DTNA: variants seen among roughly 807,000 people sequenced by gnomAD.
The protein encoded by DTNA is dystrobrevin alpha.
DTNA carries 43 observed loss-of-function variants against 100.7 expected under a neutral mutation model. The ratio of observed to expected loss-of-function variants is 0.43; its 90% CI spans 0.33 to 0.55. DTNA has a LOEUF of 0.55. DTNA is among the 20% of genes least tolerant of loss of function. The pLI, the probability that DTNA is intolerant of heterozygous loss-of-function variation, is 0.04. For synonymous variants in DTNA, 349 were observed against 347.9 expected (o/e 1.00, Z -0.04); for missense variants, 798 against 953.9 (o/e 0.84, Z 2.15).
intron 11 of DTNA, among the ~76,000 whole-genome samples, chr18:34,831,054 A>G (rs903531756): frequency 6.6e-6 from 1 of 152,148 alleles, no homozygotes; most frequent in East Asian, 1.9e-4. Flanking sequence ...GCCTCTTAGG[A>G]TCTGCTATCT....
chr18:34,571,772 A>C (rs2047614325), intron 1 of DTNA, among the ~76,000 whole-genome samples: 1 of 152,176 alleles, frequency 6.6e-6, no homozygotes, highest in South Asian at 2.1e-4. Flanking sequence ...CTGCCATTGT[A>C]AGCTTTCTAG....
intron 15 of DTNA, among the ~76,000 whole-genome samples, chr18:34,852,396 C>T (rs1379319382): frequency 1.3e-5 from 2 of 152,110 alleles, no homozygotes; most frequent in African/African-American, 4.8e-5. Context: ...AAGATCTCCA[C>T]CTGCAGCCCA....
At chr18:34,520,140 A>T (rs948437178) in intron 1 of DTNA, among the ~76,000 whole-genome samples, 23 of 152,276 alleles carry the variant, frequency 1.5e-4, no homozygotes, top group African/African-American at 5.5e-4. Flanking sequence ...TTGTGGGCCC[A>T]CTTGATATAA....
At chr18:34,670,434 T>A (rs1214496051) in intron 1 of DTNA, among the ~76,000 whole-genome samples, 1 of 152,226 alleles carries the variant, frequency 6.6e-6, no homozygotes, top group Non-Finnish European at 1.5e-5. Context: ...TCAAAGTCAT[T>A]CTCCGTCCAG....
chr18:34,594,612 G>T (rs2050213126), intron 1 of DTNA, among the ~76,000 whole-genome samples: 1 of 152,144 alleles, frequency 6.6e-6, no homozygotes, highest in Non-Finnish European at 1.5e-5. Context: ...ACAATGAAGG[G>T]CTTCTTATGG....
chr18:34,670,682 G>T (rs916883793), intron 1 of DTNA, among the ~76,000 whole-genome samples: 2 of 152,196 alleles, frequency 1.3e-5, no homozygotes, highest in African/African-American at 2.4e-5. Flanking sequence ...TTTGCTGGAG[G>T]TCCACTCCAG....
At chr18:34,635,982 A>G (rs1051726708) in intron 1 of DTNA, among the ~76,000 whole-genome samples, 1 of 152,130 alleles carries the variant, frequency 6.6e-6, no homozygotes, top group African/African-American at 2.4e-5. Context: ...TTCACTTAAA[A>G]TGATGTTCCA....
chr18:34,830,340 T>G (rs2095975778), intron 11 of DTNA, among the ~76,000 whole-genome samples: 1 of 151,934 alleles, frequency 6.6e-6, no homozygotes, highest in South Asian at 2.1e-4. Context: ...TGACAGATCC[T>G]AGAAAGATAA....
chr18:34,557,912 CG>C, intron 1 of DTNA: 1 of 153,242 alleles, frequency 6.5e-6, no homozygotes, highest in Non-Finnish European at 1.5e-5. Context: ...TCTAGCTTCC[CG>C]GCTGCTTTGT....
At chr18:34,581,723 C>A (rs1301521016) in intron 1 of DTNA, among the ~76,000 whole-genome samples, 1 of 150,172 alleles carries the variant, frequency 6.7e-6, no homozygotes, top group African/African-American at 2.5e-5. Flanking sequence ...TGGCTTCAAG[C>A]GATGATTCTC....
chr18:34,587,389 T>A (rs896616056), intron 1 of DTNA, among the ~76,000 whole-genome samples: 1 of 152,122 alleles, frequency 6.6e-6, no homozygotes, highest in Non-Finnish European at 1.5e-5. Flanking sequence ...TCTCTTTCAT[T>A]TTCTTTGTTC....
chr18:34,504,880 C>T (rs1330464871), intron 1 of DTNA, among the ~76,000 whole-genome samples: 1 of 152,158 alleles, frequency 6.6e-6, no homozygotes, highest in South Asian at 2.1e-4. Context: ...TGACTTCTGT[C>T]AAATTTGGGA....
intron 1 of DTNA, among the ~76,000 whole-genome samples, chr18:34,730,524 G>A (rs1049012490): frequency 1.3e-5 from 2 of 152,070 alleles, no homozygotes; most frequent in Admixed American, 1.3e-4. Context: ...ATGGCAAAGT[G>A]GGAAGAATAT....
At chr18:34,719,989 T>A (rs2146908149) in intron 1 of DTNA, among the ~76,000 whole-genome samples, 1 of 152,286 alleles carries the variant, frequency 6.6e-6, no homozygotes, top group Non-Finnish European at 1.5e-5. Context: ...CCAAGCTTGG[T>A]ATTTGAATAA....
chr18:34,761,668 C>T (rs1445412882), intron 2 of DTNA, among the ~76,000 whole-genome samples: 5 of 152,290 alleles, frequency 3.3e-5, no homozygotes, highest in Admixed American at 6.5e-5. Flanking sequence ...GTACAAGAGG[C>T]TTGAGGAGAC....
rs886543713 is a variant in DTNA, at chr18:34,888,530, T to A, written c.*796T>A. On this transcript the variant is annotated 3_prime_UTR_variant, in exon 23 of 23. Coordinates refer to ENST00000444659, the MANE Select transcript of DTNA (RefSeq NM_001386795.1). ...CAGCCATAGAATTTAGTGTAAATATTTTTTTTTCCAAATAGATATCATATT... is the reference window on the plus strand; with the variant it reads ...CAGCCATAGAATTTAGTGTAAATATATTTTTTTCCAAATAGATATCATATT... 66 of 985,274 alleles carry A rather than the reference T, an allele frequency of 6.7e-5. No individual in the cohort carries two copies. The highest frequency in any genetic ancestry group is 7.8e-5 in the Non-Finnish European group (65 of 829,774). 61.0% of individuals were successfully genotyped at this position (985,274 alleles called of 1,614,324 possible). A position where few individuals can be genotyped will look rare whatever the true frequency, so the allele number is the denominator to read the frequency against.
chr18:34,600,350 G>A (rs1307919900), intron 1 of DTNA, among the ~76,000 whole-genome samples: 1 of 152,114 alleles, frequency 6.6e-6, no homozygotes, highest in Non-Finnish European at 1.5e-5. Context: ...TGAAAGTTTT[G>A]TAAACCTCTA....
chr18:34,622,634 C>G (rs996540530), intron 1 of DTNA, among the ~76,000 whole-genome samples: 13 of 152,206 alleles, frequency 8.5e-5, no homozygotes, highest in Non-Finnish European at 1.3e-4. Context: ...AGAACCAAAA[C>G]AGAGACAAGG....
intron 1 of DTNA, among the ~76,000 whole-genome samples, chr18:34,549,630 CAA>C (rs1206138030): frequency 1.3e-5 from 2 of 152,040 alleles, no homozygotes; most frequent in African/African-American, 4.8e-5. Flanking sequence ...TCAGTCCTGA[CAA>C]AAGACTTCTG....
Sources: gnomAD v4.1 joint callset for allele counts (sites outside exome capture counted in the v4.1 genomes callset) on GRCh38, gnomAD v4.1.1 for gene constraint, MANE v1.5 for transcripts, NCBI Gene and HGNC (gene_info 2026-07-23, HGNC 2026-07-21) for gene names.